ACKR2: variants seen among roughly 807,000 people sequenced by gnomAD.
The protein encoded by ACKR2 is C-C chemokine receptor D6.
For synonymous variants in ACKR2, 207 were observed against 192.2 expected (o/e 1.08, Z -0.64); for missense variants, 457 against 477.3 (o/e 0.96, Z 0.40).
intron 2 of ACKR2, among the ~76,000 whole-genome samples, chr3:42,824,194 C>A (rs1700838155): frequency 6.6e-6 from 1 of 152,082 alleles, no homozygotes; most frequent in African/African-American, 2.4e-5. Flanking sequence ...ATAAGGGATA[C>A]TCAACCTATA....
chr3:42,851,717 T>C (rs1254227007), intron 2 of ACKR2, among the ~76,000 whole-genome samples: 1 of 152,014 alleles, frequency 6.6e-6, no homozygotes, highest in Non-Finnish European at 1.5e-5. Context: ...CCCCTGAGAG[T>C]TGGTTCTCCA....
At chr3:42,814,707 C>T (rs1221631264) in intron 1 of ACKR2, among the ~76,000 whole-genome samples, 1 of 152,124 alleles carries the variant, frequency 6.6e-6, no homozygotes, top group East Asian at 1.9e-4. Context: ...AGTACCTGTA[C>T]TAGATTCTGA....
At chr3:42,830,901 G>A (rs911305442) in intron 2 of ACKR2, among the ~76,000 whole-genome samples, 1 of 152,002 alleles carries the variant, frequency 6.6e-6, no homozygotes, top group Non-Finnish European at 1.5e-5. Flanking sequence ...CCTCCCCCAA[G>A]TCAGTTAATT....
chr3:42,825,659 A>G (rs1700855358), intron 2 of ACKR2, among the ~76,000 whole-genome samples: 1 of 151,776 alleles, frequency 6.6e-6, no homozygotes, highest in Non-Finnish European at 1.5e-5. Flanking sequence ...TAATCTGCCA[A>G]TAGAGGAAAT....
At chr3:42,839,616 G>A (rs1050188789) in intron 2 of ACKR2, among the ~76,000 whole-genome samples, 1 of 152,160 alleles carries the variant, frequency 6.6e-6, no homozygotes, top group African/African-American at 2.4e-5. Context: ...AACTTGTAAT[G>A]TTAGAAGTCA....
intron 2 of ACKR2, among the ~76,000 whole-genome samples, chr3:42,832,214 C>T (rs1031031309): frequency 2.6e-5 from 4 of 152,072 alleles, no homozygotes; most frequent in African/African-American, 4.8e-5. Flanking sequence ...TCAGGCTAGG[C>T]GTGGTGGCTC....
At chr3:42,863,038 C>T (rs2088400529) in intron 2 of ACKR2, among the ~76,000 whole-genome samples, 1 of 152,162 alleles carries the variant, frequency 6.6e-6, no homozygotes, top group African/African-American at 2.4e-5. Context: ...AGCTTCTGCA[C>T]AGCAAAATAA....
intron 2 of ACKR2, among the ~76,000 whole-genome samples, chr3:42,838,616 G>A (rs1701006677): frequency 6.6e-6 from 1 of 152,176 alleles, no homozygotes; most frequent in Non-Finnish European, 1.5e-5. Context: ...AAAATGGTAT[G>A]GTCACTTTTG....
intron 2 of ACKR2, among the ~76,000 whole-genome samples, chr3:42,847,580 C>T (rs1235256092): frequency 6.6e-6 from 1 of 152,076 alleles, no homozygotes; most frequent in African/African-American, 2.4e-5. Flanking sequence ...GTGAATTTTG[C>T]CCAAGGAAGA....
intron 2 of ACKR2, among the ~76,000 whole-genome samples, chr3:42,849,764 A>G (rs1473422386): frequency 6.6e-6 from 1 of 152,218 alleles, no homozygotes; most frequent in Non-Finnish European, 1.5e-5. Context: ...TGTAATTGGC[A>G]CAAGAATAGG....
At chr3:42,858,555 T>G (rs372100153) in intron 2 of ACKR2, among the ~76,000 whole-genome samples, 1 of 151,996 alleles carries the variant, frequency 6.6e-6, no homozygotes, top group East Asian at 1.9e-4. Context: ...GATAAATCCA[T>G]GAAGATGAGG....
intron 2 of ACKR2, chr3:42,851,534 T>C: frequency 4.4e-6 from 3 of 684,974 alleles, no homozygotes; most frequent in Non-Finnish European, 5.4e-6. Flanking sequence ...ACCCAGTGGC[T>C]TGGGGAGTGG....
At chr3:42,814,291 T>A (rs1700727510) in intron 1 of ACKR2, among the ~76,000 whole-genome samples, 1 of 152,224 alleles carries the variant, frequency 6.6e-6, no homozygotes, top group African/African-American at 2.4e-5. Context: ...TGAAGTATAA[T>A]TGATGCAGAA....
intron 1 of ACKR2, among the ~76,000 whole-genome samples, 166 bp from the exon 2 acceptor site, chr3:42,819,460 AGCTGG>A (rs1440217307): frequency 4.7e-5 from 7 of 150,150 alleles, no homozygotes; most frequent in African/African-American, 9.9e-5. Context: ...AGTAGAAAAG[AGCTGG>A]GCTCCCTCAC....
rs2088436965 is a variant in ACKR2 at position 42,866,473 on chromosome 3, C to T, written c.*816C>T. On this transcript the variant is annotated 3_prime_UTR_variant, in exon 3 of 3. Transcript: ENST00000422265. ...TACAGGTGTGAGCCACCATGCCTGG[C>T]CCTAATTTTTGTGTTTTTATTAGAA... is the stretch of plus-strand genomic sequence containing the variant. The T allele has an allele frequency of 1.2e-5, 2 of 165,618 alleles. No homozygotes were observed. The highest frequency in any genetic ancestry group is 2.1e-4 in the South Asian group (1 of 4,826). The allele number at this position is 165,618 out of a possible 1,614,324, so 10.3% of individuals were successfully genotyped here. A position where few individuals can be genotyped will look rare whatever the true frequency, so the allele number is the denominator to read the frequency against.
At chr3:42,859,309 C>G (rs1319455406) in intron 2 of ACKR2, among the ~76,000 whole-genome samples, 1 of 152,006 alleles carries the variant, frequency 6.6e-6, no homozygotes, top group African/African-American at 2.4e-5. Flanking sequence ...GGAAGCCCAT[C>G]AGACTAACAG....
At chr3:42,858,107 T>G (rs2088342235) in intron 2 of ACKR2, among the ~76,000 whole-genome samples, 1 of 152,222 alleles carries the variant, frequency 6.6e-6, no homozygotes, top group Admixed American at 6.5e-5. Flanking sequence ...TTTGGCAGAC[T>G]TAAATGTTCC....
chr3:42,859,441 C>T (rs1419428296), intron 2 of ACKR2, among the ~76,000 whole-genome samples: 24 of 151,172 alleles, frequency 1.6e-4, no homozygotes, highest in African/African-American at 2.7e-4. Flanking sequence ...TGCAGTGGCG[C>T]GGTCTTGGCT....
At chr3:42,811,118 T>C (rs1458840147) in intron 1 of ACKR2, among the ~76,000 whole-genome samples, 1 of 152,208 alleles carries the variant, frequency 6.6e-6, no homozygotes, top group Non-Finnish European at 1.5e-5. Context: ...CCAAAGTGCC[T>C]GGATTACAGG....
Sources: gnomAD v4.1 joint callset for allele counts (sites outside exome capture counted in the v4.1 genomes callset) on GRCh38, gnomAD v4.1.1 for gene constraint, MANE v1.5 for transcripts, NCBI Gene and HGNC (gene_info 2026-07-23, HGNC 2026-07-21) for gene names.